LONP2: variants seen among roughly 807,000 people sequenced by gnomAD.
LONP2 encodes the protein lon peptidase 2, peroxisomal, also known as lon protease homolog 2, peroxisomal.
In LONP2, 60 loss-of-function variants were observed where a neutral mutation model predicts 85.6. That is an observed-to-expected ratio of 0.70 (90% CI 0.57 to 0.87). The LOEUF is 0.87. LONP2 is among the 40% of genes least tolerant of loss of function. LONP2 has a pLI of 0.00. For missense variants in LONP2, 860 were observed against 1,063.5 expected (o/e 0.81, Z 2.66); for synonymous variants, 395 against 389.7 (o/e 1.01, Z -0.16).
intron 8 of LONP2, among the ~76,000 whole-genome samples, chr16:48,279,124 TAAAAAG>T (rs1192916703): frequency 1.3e-5 from 2 of 152,162 alleles, no homozygotes; most frequent in Non-Finnish European, 2.9e-5. Flanking sequence ...CTTGGTATAT[TAAAAAG>T]AAAAAGAAAA....
intron 12 of LONP2, among the ~76,000 whole-genome samples, chr16:48,338,805 G>A (rs563419493): frequency 2.6e-5 from 4 of 152,286 alleles, no homozygotes; most frequent in Non-Finnish European, 5.9e-5. Flanking sequence ...CTACTTGGGA[G>A]GCTGAGGTGG....
rs200066015 is a variant in LONP2, at chr16:48,338,113, C to CT, written c.1938+3763dup. Among the ~76,000 whole-genome samples, 1,360 of 151,970 alleles carry CT rather than the reference C, an allele frequency of 8.9e-3. 26 individuals are homozygous for CT. The highest frequency in any genetic ancestry group is 0.031 in the African/African-American group (1,293 of 41,442). ...ATGAGCCACCAAACCCAGCCGATAC[C>CT]TTTTTTTTGTCTAAATGCCTGTATT... On this transcript the variant is annotated intron_variant, in intron 12 of 14. Transcript: ENST00000285737.
In LONP2 at chr16:48,277,498, CCTGT is replaced by C; in HGVS notation, c.1383+26_1383+29del. On this transcript the variant is annotated intron_variant, in intron 8 of 14. Transcript: ENST00000285737. ...GCTTGAGGTAAGATTTGGAAAATTC[CCTGT>C]CTGTCTTCATACTGGAAGAGTATGG... is the stretch of plus-strand genomic sequence containing the variant. 1 of 1,610,754 alleles carries C rather than the reference CCTGT, an allele frequency of 6.2e-7. No individual in the cohort carries two copies. The highest frequency in any genetic ancestry group is 1.1e-5 in the South Asian group (1 of 90,676).
chr16:48,262,950 C>T, intron 6 of LONP2, 78 bp downstream of exon 6: 1 of 895,526 alleles, frequency 1.1e-6, no homozygotes. Context: ...TTCAAATTTA[C>T]TCCACTGATT....
intron 10 of LONP2, among the ~76,000 whole-genome samples, chr16:48,300,531 G>C (rs1209142049): frequency 6.6e-6 from 1 of 152,222 alleles, no homozygotes; most frequent in East Asian, 1.9e-4. Flanking sequence ...ATGTCAGGCT[G>C]CCAAGCTCTC....
At chr16:48,299,249 C>A (rs1972746447) in intron 9 of LONP2, among the ~76,000 whole-genome samples, 1 of 151,960 alleles carries the variant, frequency 6.6e-6, no homozygotes, top group Non-Finnish European at 1.5e-5. Flanking sequence ...TAAATTTGTT[C>A]TAAATCTAAG....
chr16:48,336,248 G>A (rs886362771), intron 12 of LONP2: 6 of 396,252 alleles, frequency 1.5e-5, no homozygotes, highest in African/African-American at 1.0e-4. Context: ...ACAGAAATGA[G>A]AAATTTTATA....
chr16:48,336,629 G>A (rs1959658021), intron 12 of LONP2: 1 of 346,354 alleles, frequency 2.9e-6, no homozygotes, highest in African/African-American at 2.1e-5. Flanking sequence ...GGGGTCACAA[G>A]GTGCTCAGTT....
At chr16:48,274,134 TTA>T (rs1482761277) in intron 7 of LONP2, among the ~76,000 whole-genome samples, 1 of 152,164 alleles carries the variant, frequency 6.6e-6, no homozygotes, top group Admixed American at 6.5e-5. Context: ...TCTCCAAAAC[TTA>T]GGTTTATTTT....
chr16:48,260,697 G>A (rs1260708831), intron 4 of LONP2, among the ~76,000 whole-genome samples: 1 of 152,210 alleles, frequency 6.6e-6, no homozygotes, highest in Non-Finnish European at 1.5e-5. Context: ...AGCATATAAG[G>A]TAGTTTTAAC....
chr16:48,245,737 C>G (rs1237257327), intron 1 of LONP2, among the ~76,000 whole-genome samples: 1 of 152,092 alleles, frequency 6.6e-6, no homozygotes, highest in Non-Finnish European at 1.5e-5. Context: ...ATTTTGAGTA[C>G]TTGGGGTTAA....
intron 11 of LONP2, among the ~76,000 whole-genome samples, chr16:48,322,470 A>G (rs1251823167): frequency 6.6e-6 from 1 of 152,210 alleles, no homozygotes; most frequent in Non-Finnish European, 1.5e-5. Flanking sequence ...CTTCAGAGGC[A>G]GTAACATGCA....
intron 11 of LONP2, among the ~76,000 whole-genome samples, chr16:48,307,593 T>A (rs1972938418): frequency 6.6e-6 from 1 of 152,212 alleles, no homozygotes; most frequent in Non-Finnish European, 1.5e-5. Context: ...CTCAATTACT[T>A]TATTTTTGAA....
At chr16:48,323,578 A>T (rs1030171209) in intron 11 of LONP2, among the ~76,000 whole-genome samples, 1 of 151,714 alleles carries the variant, frequency 6.6e-6, no homozygotes, top group Non-Finnish European at 1.5e-5. Context: ...GAATCACATG[A>T]GCCTGGGAGG....
intron 11 of LONP2, among the ~76,000 whole-genome samples, chr16:48,315,145 A>T (rs1973114723): frequency 6.6e-6 from 1 of 152,206 alleles, no homozygotes; most frequent in Admixed American, 6.5e-5. Context: ...ACCTAATATT[A>T]TAAAATGACA....
downstream of LONP2, chr16:48,361,538 C>A (rs995445608): frequency 4.4e-6 from 7 of 1,593,312 alleles, no homozygotes; most frequent in African/African-American, 8.0e-5. Context: ...TTCTGTGAAA[C>A]TGAAGTTTTA....
At chr16:48,277,712 A>G (rs1972241948) in intron 8 of LONP2, among the ~76,000 whole-genome samples, 1 of 151,764 alleles carries the variant, frequency 6.6e-6, no homozygotes, top group African/African-American at 2.4e-5. Flanking sequence ...ATAGTTTAAC[A>G]AAGTTTTGTG....
intron 8 of LONP2, among the ~76,000 whole-genome samples, chr16:48,282,540 T>C (rs893329362): frequency 6.6e-6 from 1 of 152,180 alleles, no homozygotes; most frequent in Non-Finnish European, 1.5e-5. Flanking sequence ...GCAATATTTT[T>C]AACTTTTTCA....
rs777782111 is a variant in LONP2 at position 48,357,334 on chromosome 16, G to A, written c.*5532G>A. On this transcript the variant is annotated 3_prime_UTR_variant, in exon 15 of 15. Coordinates refer to ENST00000285737, the MANE Select transcript of LONP2 (RefSeq NM_031490.5). ...TGGATGGTGCCATTTTTAGATAAACGTACGTTTCTTTTGGTAAATTCAGGT... is the reference window on the plus strand; with the variant it reads ...TGGATGGTGCCATTTTTAGATAAACATACGTTTCTTTTGGTAAATTCAGGT... The A allele has an allele frequency of 9.2e-5, 14 of 152,168 alleles. No homozygotes were observed. Among genetic ancestry groups the A allele is most frequent in the African/African-American group, 2.9e-4 (12 of 41,430 alleles). The allele number at this position is 152,168 out of a possible 1,614,324, so 9.4% of individuals were successfully genotyped here. A position where few individuals can be genotyped will look rare whatever the true frequency, so the allele number is the denominator to read the frequency against.
Sources: gnomAD v4.1 joint callset for allele counts (sites outside exome capture counted in the v4.1 genomes callset) on GRCh38, gnomAD v4.1.1 for gene constraint, MANE v1.5 for transcripts, NCBI Gene and HGNC (gene_info 2026-07-23, HGNC 2026-07-21) for gene names.